Variants in CDC42BPA observed in about 807,000 individuals in gnomAD.
CDC42BPA encodes the protein CDC42 binding protein kinase alpha, also known as serine/threonine-protein kinase MRCK alpha.
A neutral mutation model predicts 223.5 loss-of-function variants in CDC42BPA; 80 were observed. The observed-to-expected ratio is 0.36, with a 90% CI of 0.30 to 0.43. The LOEUF (loss-of-function observed/expected upper bound fraction) is 0.43, where lower values mean the gene tolerates loss of function less well. Among genes scored for constraint, CDC42BPA ranks in the 20% least tolerant of loss-of-function variants. The pLI is 1.00. For missense variants in CDC42BPA, 1,743 were observed against 2,099.9 expected, an observed-to-expected ratio of 0.83 and a Z score of 3.32; for synonymous variants, 694 against 718.6, an observed-to-expected ratio of 0.97 and a Z score of 0.55.
At chr1:227,209,951 C>T (rs564621996) in intron 3 of CDC42BPA, among the ~76,000 whole-genome samples, 1 of 149,532 alleles carries the variant, frequency 6.7e-6, no homozygotes, top group South Asian at 2.2e-4. Context: ...CCTCCTTGTA[C>T]CTCTGGTAGA....
At chr1:227,142,396 C>G (rs1659849468) in intron 9 of CDC42BPA, among the ~76,000 whole-genome samples, 2 of 152,146 alleles carry the variant, frequency 1.3e-5, no homozygotes, top group South Asian at 4.1e-4. Flanking sequence ...CTTCTAATTA[C>G]TGCTTCATTG....
chr1:227,317,212 T>G lies in CDC42BPA; in HGVS notation c.-30A>C, dbSNP rs1559031027. On this transcript the variant is annotated 5_prime_UTR_variant, in exon 1 of 37. Coordinates refer to ENST00000366766, the MANE Select transcript of CDC42BPA (RefSeq NM_001394014.1). ...GCTTCGATTTCTGCTGGTTTTCCTT[T>G]AAATTATTATGATGACTTTTACTAT... 1 of 1,585,476 alleles carries G rather than the reference T, an allele frequency of 6.3e-7. No individual in the cohort carries two copies. Among genetic ancestry groups the G allele is most frequent in the Admixed American group, 1.9e-5 (1 of 53,196 alleles).
chr1:227,235,763 C>T (rs1678898852), intron 2 of CDC42BPA, among the ~76,000 whole-genome samples: 1 of 152,194 alleles, frequency 6.6e-6, no homozygotes, highest in South Asian at 2.1e-4. Flanking sequence ...AACTCCTACT[C>T]CAACCAACCT....
At chr1:227,112,957 T>C (rs769225780) in intron 12 of CDC42BPA, 44 bp from the exon 13 acceptor site, 1 of 1,595,022 alleles carries the variant, frequency 6.3e-7, no homozygotes, top group Middle Eastern at 1.7e-4. Context: ...TTCTGCAACC[T>C]AGAGACCAAA....
rs1164746606 is a variant in CDC42BPA, at chr1:227,233,462, T to C, written c.271-20243A>G. Among the ~76,000 whole-genome samples, 6 of 152,186 alleles carry C rather than the reference T, an allele frequency of 3.9e-5. No homozygotes were observed. The East Asian group carries it at 1.2e-3, about 29-fold the overall frequency. ...CATCTAAAGTTTCTCCATAAAAGGTTTGCTTTAGGTTATTGGCATAAATCC... is the reference window on the plus strand; with the variant it reads ...CATCTAAAGTTTCTCCATAAAAGGTCTGCTTTAGGTTATTGGCATAAATCC... On this transcript the variant is annotated intron_variant, in intron 2 of 36. Coordinates refer to ENST00000366766, the MANE Select transcript of CDC42BPA (RefSeq NM_001394014.1).
At chr1:227,240,222 TGAA>T (rs1558844732) in intron 2 of CDC42BPA, among the ~76,000 whole-genome samples, 1 of 151,994 alleles carries the variant, frequency 6.6e-6, no homozygotes, top group Non-Finnish European at 1.5e-5. Context: ...TAAGAAAATA[TGAA>T]GAAGACCTAT....
chr1:227,104,603 G>A (rs2149336887), intron 14 of CDC42BPA, among the ~76,000 whole-genome samples: 1 of 152,206 alleles, frequency 6.6e-6, no homozygotes, highest in South Asian at 2.1e-4. Flanking sequence ...TTCCTATGTT[G>A]AAGCCCTAAC....
intron 2 of CDC42BPA, among the ~76,000 whole-genome samples, chr1:227,251,973 A>G (rs1368942700): frequency 6.6e-6 from 1 of 152,136 alleles, no homozygotes; most frequent in Non-Finnish European, 1.5e-5. Context: ...ATTTAAAATC[A>G]CACTGTATTT....
intron 34 of CDC42BPA, among the ~76,000 whole-genome samples, chr1:227,013,847 C>A (rs1665694889): frequency 1.3e-5 from 2 of 151,928 alleles, no homozygotes; most frequent in Admixed American, 6.6e-5. Context: ...TCCTGCTACC[C>A]CTACATAATT....
At chr1:227,243,756 TCACACACACACACACACACA>T (rs5781477) in intron 2 of CDC42BPA, among the ~76,000 whole-genome samples, 4 of 146,562 alleles carry the variant, frequency 2.7e-5, no homozygotes, top group African/African-American at 1.0e-4. Context: ...AAAAGATTTG[TCACACACACACACACACACA>T]CACACACACA....
At chr1:227,243,863 C>T (rs971538431) in intron 2 of CDC42BPA, among the ~76,000 whole-genome samples, 9 of 151,924 alleles carry the variant, frequency 5.9e-5, no homozygotes, top group African/African-American at 1.9e-4. Flanking sequence ...ACCCATGCAA[C>T]TCCTACTTAC....
intron 6 of CDC42BPA, among the ~76,000 whole-genome samples, chr1:227,156,141 ATTTTTAT>A (rs138937945): frequency 0.65 from 94,933 of 145,042 alleles, 30,162 homozygotes; most frequent in South Asian, 0.73. Context: ...GTTTTTATTT[ATTTTTAT>A]TTTTTATTTA....
At chr1:227,244,175 G>T (rs973927660) in intron 2 of CDC42BPA, among the ~76,000 whole-genome samples, 1 of 152,092 alleles carries the variant, frequency 6.6e-6, no homozygotes, top group Non-Finnish European at 1.5e-5. Flanking sequence ...TTCTAAATTT[G>T]TATCAAACAC....
At chr1:227,168,920 C>A (rs902687103) in intron 5 of CDC42BPA, among the ~76,000 whole-genome samples, 5 of 152,092 alleles carry the variant, frequency 3.3e-5, no homozygotes, top group African/African-American at 1.2e-4. Flanking sequence ...TCTCAAAGTA[C>A]ATGTACATAA....
At chr1:227,055,852 A>C (rs1201949114) in intron 21 of CDC42BPA, among the ~76,000 whole-genome samples, 1 of 152,056 alleles carries the variant, frequency 6.6e-6, no homozygotes, top group Non-Finnish European at 1.5e-5. Flanking sequence ...CAGTCATTAG[A>C]AACATCTACT....
In CDC42BPA at chr1:227,151,826, C is replaced by G. The variant is rs577636824; in HGVS notation, c.694-4267G>C. ...TTGGGAGGCTGAGGTGGGTCAATCACTTGAGGTCAGGAGTTTGAGACCAAC... is the reference window on the plus strand; with the variant it reads ...TTGGGAGGCTGAGGTGGGTCAATCAGTTGAGGTCAGGAGTTTGAGACCAAC... On this transcript the variant is annotated intron_variant, in intron 6 of 36. Coordinates refer to ENST00000366766, the MANE Select transcript of CDC42BPA (RefSeq NM_001394014.1). 9.6e-5 allele frequency among the ~76,000 whole-genome samples: 13 copies of G among 135,520 alleles called. No homozygotes were observed. The South Asian group carries it at 1.9e-3, about 20-fold the overall frequency. The allele number at this position is 135,520 out of a possible 152,430, so 88.9% of individuals were successfully genotyped here.
intron 2 of CDC42BPA, among the ~76,000 whole-genome samples, chr1:227,253,261 AGAGAGAGCG>A (rs1682392092): frequency 7.1e-6 from 1 of 141,542 alleles, no homozygotes; most frequent in Non-Finnish European, 1.6e-5. Flanking sequence ...AGAGAGAGCG[AGAGAGAGCG>A]CGCGCGCGTG....
intron 1 of CDC42BPA, among the ~76,000 whole-genome samples, chr1:227,289,025 A>T (rs1223263305): frequency 2.0e-5 from 3 of 152,082 alleles, no homozygotes; most frequent in Non-Finnish European, 4.4e-5. Flanking sequence ...ATTCAAAATA[A>T]AAAAATTAAA....
At chr1:227,155,157 T>C (rs147126153) in intron 6 of CDC42BPA, among the ~76,000 whole-genome samples, 1 of 152,242 alleles carries the variant, frequency 6.6e-6, no homozygotes, top group African/African-American at 2.4e-5. Flanking sequence ...AATCATAACA[T>C]TTCAGGACAT....
Sources: gnomAD v4.1 joint callset for allele counts (sites outside exome capture counted in the v4.1 genomes callset) on GRCh38, gnomAD v4.1.1 for gene constraint, MANE v1.5 for transcripts, NCBI Gene and HGNC (gene_info 2026-07-23, HGNC 2026-07-21) for gene names.